The following ADGRD1 variants were observed in gnomAD, a reference collection of about 807,000 sequenced individuals.
The protein encoded by ADGRD1 is adhesion G protein-coupled receptor D1.
ADGRD1 carries 77 observed loss-of-function variants against 113.4 expected under a neutral mutation model. The ratio of observed to expected loss-of-function variants is 0.68; its 90% confidence interval spans 0.57 to 0.82. The LOEUF (loss-of-function observed/expected upper bound fraction) is 0.82. Among genes scored for constraint, ADGRD1 ranks in the 40% least tolerant of loss-of-function variants. The pLI is 0.00. For missense variants in ADGRD1, 1,036 were observed against 1,139.1 expected, an observed-to-expected ratio of 0.91 and a Z score of 1.30; for synonymous variants, 474 against 475.0, an observed-to-expected ratio of 1.00 and a Z score of 0.03.
At chr12:131,006,616 C>T (rs1353520871) in intron 12 of ADGRD1, among the ~76,000 whole-genome samples, 2 of 147,380 alleles carry the variant, frequency 1.4e-5, no homozygotes, top group African/African-American at 2.5e-5. Context: ...AGCATCGCCT[C>T]ATGTGGGTTT....
rs567448403 is a variant in ADGRD1 at position 131,014,118 on chromosome 12, C to T, written c.1332-81C>T. On this transcript the variant is annotated intron_variant, in intron 12 of 24. Coordinates refer to ENST00000261654, the MANE Select transcript of ADGRD1 (RefSeq NM_198827.5). ...TCCGTCTCAATAGTTTTGGGTGGAA[C>T]GCTGGCTCCCAGCCTAGGTTCTAGC... 482 of 1,395,526 alleles carry T rather than the reference C, an allele frequency of 3.5e-4. 8 individuals are homozygous for T. The South Asian group carries it at 4.4e-3, about 13-fold the overall frequency. 86.4% of individuals were successfully genotyped at this position (1,395,526 alleles called of 1,614,324 possible).
chr12:131,054,504 G>T (rs182614019), intron 13 of ADGRD1, among the ~76,000 whole-genome samples: 1 of 152,138 alleles, frequency 6.6e-6, no homozygotes, highest in East Asian at 1.9e-4. Flanking sequence ...CCTTCTGTGC[G>T]CTCCACCCAG....
intron 14 of ADGRD1, among the ~76,000 whole-genome samples, chr12:131,083,925 T>C (rs1886258418): frequency 6.6e-6 from 1 of 152,190 alleles, no homozygotes; most frequent in Non-Finnish European, 1.5e-5. Context: ...GTGCCGGTCA[T>C]AGCTGTGTTC....
Position 130,981,563 on chromosome 12 carries a change from G to A in ADGRD1, c.311-321G>A, listed in dbSNP as rs529446963. Among the ~76,000 whole-genome samples the A allele has an allele frequency of 5.3e-5, 8 of 152,258 alleles. No individual in the cohort carries two copies. In the South Asian group the frequency reaches 1.0e-3, roughly 20 times the overall value. On this transcript the variant is annotated intron_variant, in intron 4 of 24. Transcript: ENST00000261654. ...GCGGGGAACTGCCTGGGGCTGCAGC[G>A]ATCTTCATCAGTCACTGGTGACCTT...
At position 131,022,278 on chromosome 12, in the gene ADGRD1, GT is replaced by G. The variant is rs1369903365; in HGVS notation, c.1473+7942del. Among the ~76,000 whole-genome samples, 1 of 152,144 alleles carries G rather than the reference GT, an allele frequency of 6.6e-6. No homozygotes were observed. The highest frequency in any genetic ancestry group is 1.5e-5 in the Non-Finnish European group (1 of 68,038). On this transcript the variant is annotated intron_variant, in intron 13 of 24. Coordinates refer to ENST00000261654, the MANE Select transcript of ADGRD1 (RefSeq NM_198827.5). The surrounding 1 kb of genome is among the most constrained non-coding windows in gnomAD (Gnocchi z 4.6). ...CAGATGAACCCACTGTAAAGGGATG[GT>G]TTTCCCCTTTGCCTAGAATAAATAT...
chr12:131,083,712 C>T (rs536858414), intron 14 of ADGRD1, among the ~76,000 whole-genome samples: 7 of 152,240 alleles, frequency 4.6e-5, no homozygotes, highest in Admixed American at 6.5e-5. Flanking sequence ...ACCGAGAGCA[C>T]GTTTGCTTCC....
At position 131,115,877 on chromosome 12, in the gene ADGRD1, A is replaced by G. The variant is rs986118635; in HGVS notation, c.2042-2508A>G. On this transcript the variant is annotated intron_variant, in intron 18 of 24. Transcript: ENST00000261654. ...ACAGCTCATGTCATCCTCACAGCCT[A>G]GTGAGGAAGGCAACTCATTACGTTC... is the stretch of plus-strand genomic sequence containing the variant. 7.2e-5 allele frequency among the ~76,000 whole-genome samples: 11 copies of G among 152,208 alleles called. No homozygotes were observed. The South Asian group carries it at 2.1e-3, about 29-fold the overall frequency.
intron 13 of ADGRD1, among the ~76,000 whole-genome samples, chr12:131,058,656 C>G (rs1440411685): frequency 6.6e-6 from 1 of 152,184 alleles, no homozygotes; most frequent in Non-Finnish European, 1.5e-5. Flanking sequence ...TCAGGGTGCA[C>G]AGTTCATTTC....
chr12:131,096,665 C>T lies in ADGRD1; in HGVS notation c.1672-8166C>T, dbSNP rs189575119. On this transcript the variant is annotated intron_variant, in intron 15 of 24. Coordinates refer to ENST00000261654, the MANE Select transcript of ADGRD1 (RefSeq NM_198827.5). The surrounding 1 kb of genome is among the most constrained non-coding windows in gnomAD (Gnocchi z 5.2). ...GCCTCCATCTGTGAGGATGGGTTCC[C>T]GTGGGGCACTGCCGGTCCAGTTTTA... 4.6e-5 allele frequency among the ~76,000 whole-genome samples: 7 copies of T among 152,024 alleles called. No homozygotes were observed. The East Asian group carries it at 7.7e-4, about 17-fold the overall frequency.
chr12:131,018,257 C>T (rs1408295511), intron 13 of ADGRD1, among the ~76,000 whole-genome samples: 1 of 152,218 alleles, frequency 6.6e-6, no homozygotes, highest in Non-Finnish European at 1.5e-5. Flanking sequence ...AACTGAATCA[C>T]AGCCACGTGG....
At chr12:131,033,417 G>C (rs1047226358) in intron 13 of ADGRD1, among the ~76,000 whole-genome samples, 3 of 152,252 alleles carry the variant, frequency 2.0e-5, no homozygotes, top group Non-Finnish European at 4.4e-5. Flanking sequence ...GGCACAGTGA[G>C]CAGGACAGGC....
chr12:130,961,755 C>T (rs1870387858), intron 2 of ADGRD1, among the ~76,000 whole-genome samples: 1 of 152,076 alleles, frequency 6.6e-6, no homozygotes. Flanking sequence ...CTGAATTCAG[C>T]CCATCCCATT....
intron 13 of ADGRD1, among the ~76,000 whole-genome samples, chr12:131,073,896 G>T (rs914093720): frequency 6.6e-6 from 1 of 152,132 alleles, no homozygotes; most frequent in Non-Finnish European, 1.5e-5. Flanking sequence ...ATTCCTGAGG[G>T]CTCAGCCCTC....
chr12:131,054,153 A>C (rs896621689), intron 13 of ADGRD1, among the ~76,000 whole-genome samples: 1 of 152,234 alleles, frequency 6.6e-6, no homozygotes, highest in African/African-American at 2.4e-5. Flanking sequence ...CTGGCAAAAA[A>C]ATAAATGCAC....
chr12:131,019,363 T>C (rs777748330), intron 13 of ADGRD1, among the ~76,000 whole-genome samples: 2 of 152,172 alleles, frequency 1.3e-5, no homozygotes, highest in Non-Finnish European at 2.9e-5. Context: ...TGGACAGGGA[T>C]GCTACCCACA....
chr12:131,001,940 A>G (rs1469312011), intron 9 of ADGRD1, among the ~76,000 whole-genome samples: 11 of 152,226 alleles, frequency 7.2e-5, no homozygotes, highest in Admixed American at 7.2e-4. Context: ...GTTAGAGTTT[A>G]CATTTGATAA....
chr12:131,066,238 T>G (rs1884709360), intron 13 of ADGRD1, among the ~76,000 whole-genome samples: 1 of 152,194 alleles, frequency 6.6e-6, no homozygotes, highest in African/African-American at 2.4e-5. Context: ...TCCTGGCCGC[T>G]CATCCTCTGC....
chr12:130,991,507 G>A (rs958236692), intron 7 of ADGRD1, among the ~76,000 whole-genome samples: 33 of 152,268 alleles, frequency 2.2e-4, no homozygotes, highest in Middle Eastern at 6.8e-3. Flanking sequence ...AATAGTGAGT[G>A]CACAGACTCT....
At chr12:131,102,410 C>T (rs1950109504) in intron 15 of ADGRD1, among the ~76,000 whole-genome samples, 1 of 152,222 alleles carries the variant, frequency 6.6e-6, no homozygotes. Context: ...TGATGAGTGC[C>T]TACCCCTCCC....
Sources: allele counts gnomAD v4.1 joint callset (sites outside exome capture counted in the v4.1 genomes callset), GRCh38; gene constraint gnomAD v4.1.1; non-coding constraint Gnocchi (gnomAD v3.1); transcripts MANE v1.5; gene names NCBI Gene and HGNC (gene_info 2026-07-23, HGNC 2026-07-21).